The following THRB variants were observed in gnomAD, a reference collection of about 807,000 sequenced individuals.
THRB encodes the protein thyroid hormone receptor beta.
In THRB, 12 loss-of-function variants were observed where a neutral mutation model predicts 47.8. That is an observed-to-expected ratio of 0.25 (90% CI 0.16 to 0.41). The LOEUF (loss-of-function observed/expected upper bound fraction) is 0.41. Ranked by LOEUF, THRB falls within the 10% of genes least tolerant of loss-of-function variation. The probability of loss-of-function intolerance (pLI) is 1.00; values close to 1 mark genes in which losing one functional copy is unlikely to be tolerated. For synonymous variants in THRB, 218 were observed against 212.2 expected, an observed-to-expected ratio of 1.03 and a Z score of -0.24; for missense variants, 348 against 589.2, an observed-to-expected ratio of 0.59 and a Z score of 4.24.
chr3:24,189,837 A>G (rs1448996854), intron 5 of THRB, among the ~76,000 whole-genome samples: 1 of 152,208 alleles, frequency 6.6e-6, no homozygotes, highest in Non-Finnish European at 1.5e-5. Context: ...AAATGTCTTC[A>G]CCCCAAGTGT....
chr3:24,125,254 T>C lies in THRB; in HGVS notation c.1145-2129A>G, dbSNP rs571589113. ...TGGAGCTGAAGGTTCTGGCTGAACA[T>C]TGCTCCTGAGATCCACTCTCTCTTT... On this transcript the variant is annotated intron_variant, in intron 10 of 10. Coordinates refer to ENST00000646209, the MANE Select transcript of THRB (RefSeq NM_001354712.2). 4.6e-5 allele frequency among the ~76,000 whole-genome samples: 7 copies of C among 152,270 alleles called. No homozygotes were observed. The East Asian group carries it at 9.6e-4, about 21-fold the overall frequency.
chr3:24,147,270 C>T (rs1433390135), intron 6 of THRB, among the ~76,000 whole-genome samples: 2 of 152,096 alleles, frequency 1.3e-5, no homozygotes, highest in African/African-American at 4.8e-5. Flanking sequence ...GACATGGATA[C>T]TTGCAATACT....
intron 1 of THRB, among the ~76,000 whole-genome samples, chr3:24,390,189 C>T (rs2066454048): frequency 6.6e-6 from 1 of 152,112 alleles, no homozygotes; most frequent in Non-Finnish European, 1.5e-5. Context: ...CTACTAGGTG[C>T]TAGGCAGAAT....
At chr3:24,448,725 G>C (rs1291031823) in intron 1 of THRB, among the ~76,000 whole-genome samples, 1 of 152,138 alleles carries the variant, frequency 6.6e-6, no homozygotes, top group Non-Finnish European at 1.5e-5. Flanking sequence ...AGGTTGTTTG[G>C]CTAAATGTAC....
chr3:24,264,112 C>T (rs2052387195), intron 3 of THRB, among the ~76,000 whole-genome samples: 1 of 152,150 alleles, frequency 6.6e-6, no homozygotes. Flanking sequence ...AACCAAGTTC[C>T]CCATTCCCCC....
At chr3:24,446,343 C>T (rs1345567990) in intron 1 of THRB, among the ~76,000 whole-genome samples, 2 of 152,148 alleles carry the variant, frequency 1.3e-5, no homozygotes, top group Non-Finnish European at 2.9e-5. Context: ...TTCTTCTCTC[C>T]TCCTTCAGCT....
intron 1 of THRB, chr3:24,430,052 A>T (rs2070209320): frequency 1.3e-5 from 2 of 152,102 alleles, no homozygotes; most frequent in Non-Finnish European, 2.9e-5. Context: ...CATCCTGGTG[A>T]TGATGAGGAC....
intron 3 of THRB, among the ~76,000 whole-genome samples, chr3:24,277,512 T>C (rs568176056): frequency 1.3e-5 from 2 of 152,248 alleles, no homozygotes; most frequent in East Asian, 3.9e-4. Context: ...TCTAACAAGT[T>C]CCCCGGTGAT....
chr3:24,288,941 G>T (rs772601169), intron 3 of THRB, among the ~76,000 whole-genome samples: 16 of 152,204 alleles, frequency 1.1e-4, no homozygotes, highest in Non-Finnish European at 1.8e-4. Context: ...TCATCAATTG[G>T]AAAGCCACTG....
chr3:24,429,462 G>A (rs908948770), intron 1 of THRB, among the ~76,000 whole-genome samples: 2 of 151,962 alleles, frequency 1.3e-5, no homozygotes, highest in Non-Finnish European at 2.9e-5. Flanking sequence ...ATGAATGAAT[G>A]AATTGGACAA....
intron 4 of THRB, among the ~76,000 whole-genome samples, chr3:24,212,370 C>G (rs886669031): frequency 2.6e-5 from 4 of 151,846 alleles, no homozygotes; most frequent in Non-Finnish European, 5.9e-5. Flanking sequence ...TGCACTCCAG[C>G]CTGGGTGACA....
chr3:24,283,445 G>C (rs1368985443), intron 3 of THRB, among the ~76,000 whole-genome samples: 22 of 150,312 alleles, frequency 1.5e-4, no homozygotes, highest in African/African-American at 4.8e-4. Flanking sequence ...AAAATAATAA[G>C]AGCTATTTAT....
chr3:24,351,210 A>T (rs554715868), intron 1 of THRB, among the ~76,000 whole-genome samples: 1 of 152,182 alleles, frequency 6.6e-6, no homozygotes, highest in South Asian at 2.1e-4. Context: ...ATACCCTTAG[A>T]TCAGTAGTTT....
In THRB at chr3:24,122,669, A is replaced by T. The variant is rs2031905262; in HGVS notation, c.*215T>A. On this transcript the variant is annotated 3_prime_UTR_variant, in exon 11 of 11. Coordinates refer to ENST00000646209, the MANE Select transcript of THRB (RefSeq NM_001354712.2). ...ACCTCCACAACCATAAAACCTTCAG[A>T]GCATTCACATCACAGGACCGGAGAA... 3.2e-6 allele frequency: 2 copies of T among 621,344 alleles called. No individual in the cohort carries two copies. Among genetic ancestry groups the T allele is most frequent in the South Asian group, 3.8e-5 (2 of 52,028 alleles). The allele number at this position is 621,344 out of a possible 1,614,324, so 38.5% of individuals were successfully genotyped here.
intron 2 of THRB, among the ~76,000 whole-genome samples, chr3:24,331,238 A>G (rs1576900456): frequency 6.6e-6 from 1 of 152,182 alleles, no homozygotes; most frequent in Admixed American, 6.5e-5. Flanking sequence ...TACCAAACTC[A>G]TAAGTCTACT....
intron 3 of THRB, among the ~76,000 whole-genome samples, chr3:24,280,838 T>A (rs13089096): frequency 1.3e-5 from 2 of 150,282 alleles, no homozygotes; most frequent in Non-Finnish European, 3.0e-5. Flanking sequence ...AGGGTATCAG[T>A]GATGGAAGAT....
chr3:24,141,107 A>G lies in THRB; in HGVS notation c.738+2394T>C, dbSNP rs149448375. Among the ~76,000 whole-genome samples, 729 of 152,372 alleles carry G rather than the reference A, an allele frequency of 4.8e-3. 2 individuals carry two copies. Among genetic ancestry groups the G allele is most frequent in the African/African-American group, 0.016 (683 of 41,590 alleles). On this transcript the variant is annotated intron_variant, in intron 8 of 10. Transcript: ENST00000646209. ...AATTTCTTGAGCAGATTAAAGATCTACAAAAGATACATTTCATGTCAGCCC... is the reference window on the plus strand; with the variant it reads ...AATTTCTTGAGCAGATTAAAGATCTGCAAAAGATACATTTCATGTCAGCCC...
Position 24,261,234 on chromosome 3 carries a change from G to T in THRB, c.-42-32233C>A, listed in dbSNP as rs557846674. Among the ~76,000 whole-genome samples, 32 of 118,540 alleles carry T rather than the reference G, an allele frequency of 2.7e-4. No homozygotes were observed. In the South Asian group the frequency reaches 6.9e-3, roughly 26 times the overall value. 77.8% of individuals were successfully genotyped at this position (118,540 alleles called of 152,430 possible). ...AATACATCTCTCGGCCAGGCGCAGTGGCTCACGCCTGTAATCTCAGTACTT... is the reference window on the plus strand; with the variant it reads ...AATACATCTCTCGGCCAGGCGCAGTTGCTCACGCCTGTAATCTCAGTACTT... On this transcript the variant is annotated intron_variant, in intron 3 of 10. Transcript: ENST00000646209.
At chr3:24,495,698 C>T (rs983171488), upstream of THRB, 1 of 152,226 alleles carries the variant, frequency 6.6e-6, no homozygotes, top group Non-Finnish European at 1.5e-5. Context: ...TCTCGGCCTT[C>T]TTTGCCCGGC....
Sources: allele counts gnomAD v4.1 joint callset (sites outside exome capture counted in the v4.1 genomes callset), GRCh38; gene constraint gnomAD v4.1.1; transcripts MANE v1.5; gene names NCBI Gene and HGNC (gene_info 2026-07-23, HGNC 2026-07-21).